Variants in ATP2B2 observed in about 807,000 individuals in gnomAD.
ATP2B2 encodes the protein plasma membrane calcium-transporting ATPase 2.
Under a neutral mutation model 120.0 loss-of-function variants are expected in ATP2B2, and 15 were observed. The observed-to-expected ratio is 0.12, with a 90% confidence interval of 0.08 to 0.19. The LOEUF is 0.19. Among genes scored for constraint, ATP2B2 ranks in the 10% least tolerant of loss-of-function variants. ATP2B2 has a pLI of 1.00. For missense variants in ATP2B2, 1,045 were observed against 1,719.8 expected, an observed-to-expected ratio of 0.61 and a Z score of 6.94; for synonymous variants, 694 against 700.3, an observed-to-expected ratio of 0.99 and a Z score of 0.14.
chr3:10,504,187 C>T (rs1312624781), intron 1 of ATP2B2, among the ~76,000 whole-genome samples: 1 of 151,508 alleles, frequency 6.6e-6, no homozygotes. Context: ...CACAGGACTC[C>T]CCAGAGCTGC....
At chr3:10,411,354 G>A (rs538131579) in intron 2 of ATP2B2, among the ~76,000 whole-genome samples, 1 of 152,290 alleles carries the variant, frequency 6.6e-6, no homozygotes, top group South Asian at 2.1e-4. Context: ...CTCTGGCCTC[G>A]AGTCATGAGA....
intron 1 of ATP2B2, among the ~76,000 whole-genome samples, chr3:10,451,451 T>C (rs2064047221): frequency 6.6e-6 from 1 of 152,214 alleles, no homozygotes. Context: ...TACCCCTGAC[T>C]ACTTCCCAGT....
intron 2 of ATP2B2, among the ~76,000 whole-genome samples, chr3:10,553,429 T>C (rs1473006666): frequency 6.6e-6 from 1 of 152,068 alleles, no homozygotes; most frequent in Non-Finnish European, 1.5e-5. Context: ...AACAATGGGA[T>C]TGAGGGCTGG....
At chr3:10,377,307 C>T (rs933255275) in intron 10 of ATP2B2, among the ~76,000 whole-genome samples, 1 of 152,212 alleles carries the variant, frequency 6.6e-6, no homozygotes, top group East Asian at 1.9e-4. Context: ...GGCTCCATCC[C>T]TGTCTGACAG....
At chr3:10,590,182 T>C (rs746289303) in intron 2 of ATP2B2, among the ~76,000 whole-genome samples, 21 of 152,202 alleles carry the variant, frequency 1.4e-4, no homozygotes, top group Non-Finnish European at 2.4e-4. Context: ...ATTGATATGA[T>C]ATGATTTTTG....
chr3:10,486,344 T>TGTG (rs2065665888), intron 1 of ATP2B2, among the ~76,000 whole-genome samples: 1 of 151,774 alleles, frequency 6.6e-6, no homozygotes, highest in Non-Finnish European at 1.5e-5. Flanking sequence ...TGTGTGTGTG[T>TGTG]GTGTGTGTGT....
chr3:10,539,829 C>T (rs1234865377), intron 2 of ATP2B2, among the ~76,000 whole-genome samples: 1 of 152,208 alleles, frequency 6.6e-6, no homozygotes, highest in African/African-American at 2.4e-5. Context: ...ATGACTAAAA[C>T]ACCAAAAGCA....
intron 1 of ATP2B2, among the ~76,000 whole-genome samples, chr3:10,657,884 C>A (rs1217030350): frequency 6.6e-6 from 1 of 152,198 alleles, no homozygotes; most frequent in Non-Finnish European, 1.5e-5. Flanking sequence ...AGCTGGGTAC[C>A]CCTCTGAGAT....
chr3:10,463,920 G>T (rs955139153), intron 1 of ATP2B2, among the ~76,000 whole-genome samples: 1 of 152,194 alleles, frequency 6.6e-6, no homozygotes, highest in Non-Finnish European at 1.5e-5. Context: ...GGTGGGGTGT[G>T]GGGGGGCACA....
At chr3:10,577,158 C>A (rs2068273152) in intron 2 of ATP2B2, among the ~76,000 whole-genome samples, 1 of 151,954 alleles carries the variant, frequency 6.6e-6, no homozygotes, top group Middle Eastern at 3.2e-3. Context: ...AGATCCCATT[C>A]CAGATCTACT....
At chr3:10,542,428 T>C (rs73028965) in intron 2 of ATP2B2, among the ~76,000 whole-genome samples, 2,544 of 152,302 alleles carry the variant, frequency 0.017, 34 homozygotes, top group Non-Finnish European at 0.025. Flanking sequence ...ATATTTTTGC[T>C]TATCATGTTC....
chr3:10,526,625 C>A (rs2125464807), intron 3 of ATP2B2, among the ~76,000 whole-genome samples: 1 of 152,266 alleles, frequency 6.6e-6, no homozygotes, highest in East Asian at 1.9e-4. Flanking sequence ...GACCCATGCC[C>A]AGAACCAATG....
intron 1 of ATP2B2, among the ~76,000 whole-genome samples, chr3:10,456,794 C>T (rs576135791): frequency 1.3e-5 from 2 of 152,292 alleles, no homozygotes; most frequent in South Asian, 4.2e-4. Flanking sequence ...ACTTATAGTT[C>T]CCATGAGGTA....
intron 1 of ATP2B2, among the ~76,000 whole-genome samples, chr3:10,641,039 T>C (rs977500647): frequency 6.6e-6 from 1 of 152,182 alleles, no homozygotes; most frequent in African/African-American, 2.4e-5. Flanking sequence ...CAGGAGGGAT[T>C]GGGGTACACC....
chr3:10,580,298 G>A (rs576483296), intron 2 of ATP2B2, among the ~76,000 whole-genome samples: 47 of 152,322 alleles, frequency 3.1e-4, no homozygotes, highest in African/African-American at 1.1e-3. Context: ...CTCTGGGGGA[G>A]TCATTAGCCT....
At chr3:10,519,589 C>T (rs2066942818) in intron 3 of ATP2B2, among the ~76,000 whole-genome samples, 1 of 152,196 alleles carries the variant, frequency 6.6e-6, no homozygotes. Flanking sequence ...CCTACCCCAC[C>T]TCTGACATCT....
intron 3 of ATP2B2, among the ~76,000 whole-genome samples, chr3:10,523,131 T>C (rs1474670067): frequency 6.6e-6 from 1 of 152,178 alleles, no homozygotes; most frequent in Non-Finnish European, 1.5e-5. Flanking sequence ...ACAGTGACAA[T>C]GGCTGGTTTT....
At position 10,483,146 on chromosome 3, in the gene ATP2B2, C is replaced by A. The variant is rs11708602; in HGVS notation, c.-320+22319G>T. Among the ~76,000 whole-genome samples the A allele has an allele frequency of 1.2e-3, 190 of 152,344 alleles. 1 individual carries two copies. Among genetic ancestry groups the A allele is most frequent in the Non-Finnish European group, 2.0e-3 (138 of 68,034 alleles). The stretch of plus-strand genomic sequence containing the variant: ...CTTCTCTCCCTGGTGAGGGTAATGT[C>A]GGGGCCGACAAAACTGCTGCCATTT... On this transcript the variant is annotated intron_variant, in intron 1 of 22. Transcript: ENST00000360273.
At chr3:10,648,946 C>A (rs997266911) in intron 1 of ATP2B2, among the ~76,000 whole-genome samples, 7 of 152,208 alleles carry the variant, frequency 4.6e-5, no homozygotes, top group Admixed American at 1.3e-4. Flanking sequence ...TTCCACAGAG[C>A]AGCCAGAGAT....
Sources: gnomAD v4.1 joint callset for allele counts (sites outside exome capture counted in the v4.1 genomes callset) on GRCh38, gnomAD v4.1.1 for gene constraint, MANE v1.5 for transcripts, NCBI Gene and HGNC (gene_info 2026-07-23, HGNC 2026-07-21) for gene names.